The following NDUFV2 variants were observed in gnomAD, a reference collection of about 807,000 sequenced individuals.
NDUFV2 encodes the protein NADH:ubiquinone oxidoreductase core subunit V2.
NDUFV2 carries 18 observed loss-of-function variants against 31.6 expected under a neutral mutation model. The observed-to-expected ratio is 0.57, with a 90% CI of 0.39 to 0.84. The LOEUF is 0.84. Ranked by LOEUF, NDUFV2 falls within the 40% of genes least tolerant of loss-of-function variation. The pLI, the probability that NDUFV2 is intolerant of heterozygous loss-of-function variation, is 0.00. For missense variants in NDUFV2, 314 were observed against 303.6 expected (o/e 1.03, Z -0.26); for synonymous variants, 83 against 99.8 (o/e 0.83, Z 1.01).
chr18:9,114,901 A>G (rs1046942787), intron 1 of NDUFV2, among the ~76,000 whole-genome samples: 2 of 152,244 alleles, frequency 1.3e-5, no homozygotes, highest in African/African-American at 4.8e-5. Flanking sequence ...AGCCTAAAGA[A>G]TAATTTTCAA....
chr18:9,118,103 A>AG (rs2144740096), intron 2 of NDUFV2, among the ~76,000 whole-genome samples, 200 bp downstream of exon 2: 1 of 152,356 alleles, frequency 6.6e-6, no homozygotes, highest in East Asian at 1.9e-4. Flanking sequence ...AATTAGTATC[A>AG]GGAAAACTCT....
intron 1 of NDUFV2, among the ~76,000 whole-genome samples, chr18:9,116,362 A>G (rs1035978143): frequency 1.0e-4 from 14 of 133,960 alleles, no homozygotes; most frequent in African/African-American, 3.9e-4. Context: ...TAATCCTTTT[A>G]TTATAAGTAT....
Position 9,102,755 on chromosome 18 carries a change from C to T in NDUFV2, c.12C>T (p.Ser4=). 1 of 1,588,066 alleles carries T rather than the reference C, an allele frequency of 6.3e-7. No homozygotes were observed. The highest frequency in any genetic ancestry group is 8.6e-7 in the Non-Finnish European group (1 of 1,169,416). The change falls in exon 1 of 8, where the codon TCC becomes TCT. Residue 4 remains serine, a synonymous_variant. Transcript: ENST00000318388. ...CAGTGTGGCCCGCCATGTTCTTCTC[C>T]GCGGCGCTCCGGGCCCGGGCGGCTG... MFF[S]AALRARAAGL...
intron 1 of NDUFV2, among the ~76,000 whole-genome samples, chr18:9,108,294 T>C (rs1397474971): frequency 1.3e-5 from 2 of 152,242 alleles, no homozygotes; most frequent in Non-Finnish European, 2.9e-5. Flanking sequence ...GGTAAATTAC[T>C]GATGGAACTT....
At chr18:9,128,778 A>G (rs948157873) in intron 7 of NDUFV2, among the ~76,000 whole-genome samples, 1 of 152,186 alleles carries the variant, frequency 6.6e-6, no homozygotes, top group Admixed American at 6.5e-5. Context: ...TTAGGTTTGT[A>G]CTTCAGCCCA....
chr18:9,129,611 A>G (rs2078022762), intron 7 of NDUFV2, among the ~76,000 whole-genome samples: 1 of 152,278 alleles, frequency 6.6e-6, no homozygotes, highest in South Asian at 2.1e-4. Flanking sequence ...AGAGGTGGTA[A>G]CATTTGAGCC....
intron 1 of NDUFV2, among the ~76,000 whole-genome samples, chr18:9,107,549 C>A (rs1168567743): frequency 6.6e-6 from 1 of 152,088 alleles, no homozygotes; most frequent in Admixed American, 6.5e-5. Flanking sequence ...TAGGTGTTAC[C>A]CCATTTTATG....
chr18:9,116,518 ACAAT>A (rs1219468097), intron 1 of NDUFV2, among the ~76,000 whole-genome samples: 1 of 152,176 alleles, frequency 6.6e-6, no homozygotes, highest in Admixed American at 6.5e-5. Flanking sequence ...CAAAACCAAC[ACAAT>A]CAAAGCCCCC....
At chr18:9,119,280 CTT>C in intron 2 of NDUFV2, 44 bp from the exon 3 acceptor site, 1 of 1,436,392 alleles carries the variant, frequency 7.0e-7, no homozygotes, top group Non-Finnish European at 9.8e-7. Context: ...GTCATTCACA[CTT>C]GAGAGAATTT....
intron 1 of NDUFV2, among the ~76,000 whole-genome samples, chr18:9,110,217 C>T (rs956211318): frequency 6.6e-6 from 1 of 152,122 alleles, no homozygotes; most frequent in Non-Finnish European, 1.5e-5. Context: ...TGGAATGCCT[C>T]TTTATTTCAA....
At chr18:9,122,326 C>G (rs928696395) in intron 4 of NDUFV2, among the ~76,000 whole-genome samples, 187 bp from the exon 5 acceptor site, 2 of 152,160 alleles carry the variant, frequency 1.3e-5, no homozygotes, top group African/African-American at 4.8e-5. Context: ...AGTGTAAGTA[C>G]ATTGTCTGCA....
chr18:9,103,260 G>A (rs1237587050), intron 1 of NDUFV2: 4 of 397,590 alleles, frequency 1.0e-5, no homozygotes, highest in Non-Finnish European at 1.8e-5. Flanking sequence ...GGCTGGAAAA[G>A]GGTGGCCAAT....
intron 5 of NDUFV2, among the ~76,000 whole-genome samples, chr18:9,124,404 G>A (rs576170698): frequency 5.4e-5 from 8 of 148,550 alleles, no homozygotes; most frequent in Admixed American, 1.3e-4. Flanking sequence ...ATTATAGGAC[G>A]GAGCCACTCC....
chr18:9,125,839 G>A (rs1025049315), intron 6 of NDUFV2, among the ~76,000 whole-genome samples: 8 of 152,106 alleles, frequency 5.3e-5, no homozygotes, highest in Admixed American at 5.2e-4. Context: ...TATACCCTAG[G>A]CCTCTGTTCC....
At chr18:9,129,485 C>T (rs1236451842) in intron 7 of NDUFV2, among the ~76,000 whole-genome samples, 1 of 152,104 alleles carries the variant, frequency 6.6e-6, no homozygotes, top group Non-Finnish European at 1.5e-5. Flanking sequence ...CATATATCTT[C>T]TAGTGATGGA....
At chr18:9,112,451 CAG>C (rs1453284636) in intron 1 of NDUFV2, 1 of 152,188 alleles carries the variant, frequency 6.6e-6, no homozygotes, top group Non-Finnish European at 1.5e-5. Flanking sequence ...GATAGTAAGA[CAG>C]GGAAAGAACT....
At chr18:9,103,129 A>G in intron 1 of NDUFV2, 1 of 401,702 alleles carries the variant, frequency 2.5e-6, no homozygotes, top group Non-Finnish European at 4.4e-6. Flanking sequence ...ATCAGTTTCG[A>G]AGACCGTCGC....
At chr18:9,113,060 C>T (rs2077879800) in intron 1 of NDUFV2, among the ~76,000 whole-genome samples, 1 of 152,118 alleles carries the variant, frequency 6.6e-6, no homozygotes, top group African/African-American at 2.4e-5. Flanking sequence ...GACAATACAA[C>T]AAAACAGTTA....
intron 1 of NDUFV2, 53 bp from the exon 2 acceptor site, chr18:9,117,785 A>G (rs574798060): frequency 3.3e-4 from 341 of 1,037,722 alleles, no homozygotes; most frequent in Non-Finnish European, 4.4e-4. Flanking sequence ...TTCTTTATGA[A>G]AAATTTTTTA....
Sources: allele counts gnomAD v4.1 joint callset (sites outside exome capture counted in the v4.1 genomes callset), GRCh38; gene constraint gnomAD v4.1.1; transcripts MANE v1.5; gene names NCBI Gene and HGNC (gene_info 2026-07-23, HGNC 2026-07-21).